The following UBE2F variants were observed in gnomAD, a reference collection of about 807,000 sequenced individuals.
The protein encoded by UBE2F is ubiquitin conjugating enzyme E2 F (putative).
A neutral mutation model predicts 29.6 loss-of-function variants in UBE2F; 5 were observed. That is an observed-to-expected ratio of 0.17 (90% CI 0.09 to 0.36). The LOEUF is 0.36. Ranked by LOEUF, UBE2F falls within the 10% of genes least tolerant of loss-of-function variation. The probability of loss-of-function intolerance (pLI) is 1.00; values close to 1 mark genes in which losing one functional copy is unlikely to be tolerated. For synonymous variants in UBE2F, 66 were observed against 81.8 expected (o/e 0.81, Z 1.04); for missense variants, 141 against 228.5 (o/e 0.62, Z 2.47).
chr2:238,008,418 G>C (rs1470601633), intron 4 of UBE2F, among the ~76,000 whole-genome samples: 4 of 152,110 alleles, frequency 2.6e-5, no homozygotes, highest in Admixed American at 2.0e-4. Context: ...TGTCCTTCAA[G>C]GGATTTGCTC....
Position 238,040,654 on chromosome 2 carries a change from G to A in UBE2F, c.508-634G>A, listed in dbSNP as rs573131097. 6.6e-6 allele frequency among the ~76,000 whole-genome samples: 1 copy of A among 152,286 alleles called. No homozygotes were observed. Among genetic ancestry groups the A allele is most frequent in the African/African-American group, 2.4e-5 (1 of 41,556 alleles). ...CAGGGACAAACCTGACAGTGGCCCA[G>A]ATCCGAGAAGATTGTTCCACCCATA... On this transcript the variant is annotated intron_variant, in intron 9 of 9. Coordinates refer to ENST00000272930, the MANE Select transcript of UBE2F (RefSeq NM_080678.3). This position sits in a 1 kb window ranked among gnomAD's most constrained non-coding sequence, Gnocchi z 4.4.
At chr2:237,991,133 T>A (rs373002957) in intron 3 of UBE2F, among the ~76,000 whole-genome samples, 1 of 152,198 alleles carries the variant, frequency 6.6e-6, no homozygotes, top group African/African-American at 2.4e-5. Context: ...ATAGCTATGG[T>A]GTCAGATAAA....
At chr2:237,972,615 A>G (rs557668207) in intron 1 of UBE2F, among the ~76,000 whole-genome samples, 41 of 147,396 alleles carry the variant, frequency 2.8e-4, no homozygotes, top group African/African-American at 8.8e-4. Context: ...CAGTGGCACA[A>G]TCACGGCTCA....
intron 5 of UBE2F, among the ~76,000 whole-genome samples, chr2:238,019,841 G>A (rs927606668): frequency 2.0e-5 from 3 of 151,912 alleles, no homozygotes; most frequent in Admixed American, 6.6e-5. Flanking sequence ...TGTAGTTTTA[G>A]TAGAGACGGG....
intron 4 of UBE2F, among the ~76,000 whole-genome samples, chr2:238,015,632 T>C (rs1359276261): frequency 6.6e-6 from 1 of 152,220 alleles, no homozygotes; most frequent in Non-Finnish European, 1.5e-5. Flanking sequence ...AACAACTTGC[T>C]GTTATGCATT....
chr2:238,014,795 A>G (rs2064117292), intron 4 of UBE2F, among the ~76,000 whole-genome samples: 2 of 152,240 alleles, frequency 1.3e-5, no homozygotes, highest in Admixed American at 1.3e-4. Context: ...ACATCCACAC[A>G]TGCTTTGATG....
chr2:238,016,897 A>G (rs2064168096), intron 5 of UBE2F, among the ~76,000 whole-genome samples: 2 of 152,228 alleles, frequency 1.3e-5, no homozygotes, highest in Non-Finnish European at 2.9e-5. Flanking sequence ...CTTATCTGTT[A>G]CAGTCTGGCA....
chr2:237,991,609 C>CTTTCTTTCATTTTTTTTTTT (rs57180067), intron 3 of UBE2F, among the ~76,000 whole-genome samples: 2 of 53,052 alleles, frequency 3.8e-5, no homozygotes, highest in Non-Finnish European at 7.0e-5. Context: ...TTCTTTCTTT[C>CTTTCTTTCATTTTTTTTTTT]TTTTTTTTTT....
chr2:237,978,878 C>T (rs1218670892), intron 2 of UBE2F, among the ~76,000 whole-genome samples: 1 of 152,176 alleles, frequency 6.6e-6, no homozygotes, highest in East Asian at 1.9e-4. Context: ...GGTCTGAGTC[C>T]ATGGTGCTCC....
intron 6 of UBE2F, among the ~76,000 whole-genome samples, chr2:238,029,394 C>T (rs894258674): frequency 6.6e-6 from 1 of 152,020 alleles, no homozygotes; most frequent in African/African-American, 2.4e-5. Flanking sequence ...CGAGACCATC[C>T]TGGTTAACAC....
chr2:237,968,802 A>G (rs1469174111), intron 1 of UBE2F: 1 of 980,668 alleles, frequency 1.0e-6, no homozygotes, highest in African/African-American at 1.8e-5. Context: ...TGTTACCGAA[A>G]TGCTGCCTTA....
In UBE2F at chr2:237,980,866, CA is replaced by C. The variant is rs796493643; in HGVS notation, c.119-7096del. Among the ~76,000 whole-genome samples the C allele has an allele frequency of 3.9e-5, 6 of 152,330 alleles. No individual in the cohort carries two copies. In the South Asian group the frequency reaches 1.2e-3, roughly 32 times the overall value. On this transcript the variant is annotated intron_variant, in intron 2 of 9. Transcript: ENST00000272930. ...CAGGGAGCAGGCGGCAAGGAGCCAG[CA>C]GGAGCCCTGTGTTAGGGCCAGGGCA...
intron 4 of UBE2F, among the ~76,000 whole-genome samples, chr2:237,999,979 C>T (rs1280919793): frequency 6.6e-6 from 1 of 152,066 alleles, no homozygotes; most frequent in Non-Finnish European, 1.5e-5. Context: ...TGCACACCAC[C>T]ATACCCAGCT....
chr2:238,023,021 G>T (rs558206327), intron 5 of UBE2F, among the ~76,000 whole-genome samples: 4 of 152,346 alleles, frequency 2.6e-5, no homozygotes, highest in African/African-American at 9.6e-5. Flanking sequence ...GCGAATACCC[G>T]CAAGCCTTTG....
chr2:238,010,749 C>G (rs2064004135), intron 4 of UBE2F, among the ~76,000 whole-genome samples: 1 of 152,128 alleles, frequency 6.6e-6, no homozygotes, highest in Admixed American at 6.5e-5. Flanking sequence ...CCAAACTGCC[C>G]TCTCTATCCA....
At chr2:238,017,597 G>A (rs561316647) in intron 5 of UBE2F, among the ~76,000 whole-genome samples, 16 of 152,330 alleles carry the variant, frequency 1.1e-4, no homozygotes, top group African/African-American at 3.8e-4. Context: ...TAGAGGAGGT[G>A]TGGCTGCGCT....
At chr2:237,974,508 T>G (rs1293366865) in intron 2 of UBE2F, among the ~76,000 whole-genome samples, 4 of 118,396 alleles carry the variant, frequency 3.4e-5, no homozygotes, top group East Asian at 3.5e-4. Context: ...GTGGTTTTTT[T>G]TTTTTTGTTT....
chr2:238,025,541 C>A, intron 6 of UBE2F, 129 bp downstream of exon 6: 1 of 817,976 alleles, frequency 1.2e-6, no homozygotes, highest in Admixed American at 2.1e-5. Context: ...TTGAACTCAG[C>A]TGAAGTAGCT....
At chr2:238,012,563 A>G (rs1214064383) in intron 4 of UBE2F, among the ~76,000 whole-genome samples, 1 of 152,142 alleles carries the variant, frequency 6.6e-6, no homozygotes, top group Non-Finnish European at 1.5e-5. Context: ...TTTTCACCCA[A>G]AGCTTGGAGC....
Sources: allele counts gnomAD v4.1 joint callset (sites outside exome capture counted in the v4.1 genomes callset), GRCh38; gene constraint gnomAD v4.1.1; non-coding constraint Gnocchi (gnomAD v3.1); transcripts MANE v1.5; gene names NCBI Gene and HGNC (gene_info 2026-07-23, HGNC 2026-07-21).